NOTCH2: variants seen among roughly 807,000 people sequenced by gnomAD.
NOTCH2 encodes neurogenic locus notch homolog protein 2.
Under a neutral mutation model 235.8 loss-of-function variants are expected in NOTCH2, and 29 were observed. The observed-to-expected ratio is 0.12, with a 90% CI of 0.09 to 0.17. The LOEUF is 0.17. Ranked by LOEUF, NOTCH2 falls within the 10% of genes least tolerant of loss-of-function variation. The pLI is 1.00. For missense variants in NOTCH2, 2,285 were observed against 3,150.2 expected, an observed-to-expected ratio of 0.73 and a Z score of 6.57; for synonymous variants, 1,086 against 1,141.5, an observed-to-expected ratio of 0.95 and a Z score of 0.98.
intron 1 of NOTCH2, among the ~76,000 whole-genome samples, chr1:120,062,805 C>T (rs1276296662): frequency 6.6e-6 from 1 of 150,476 alleles, no homozygotes; most frequent in Admixed American, 6.6e-5. Flanking sequence ...GTGCCAAGGG[C>T]TAGTGATCCT....
chr1:120,063,762 C>T (rs587691798), intron 1 of NOTCH2, among the ~76,000 whole-genome samples: 19 of 152,184 alleles, frequency 1.2e-4, no homozygotes, highest in African/African-American at 4.6e-4. Context: ...ATGTAAGAAT[C>T]ACCTGGCTAT....
At chr1:119,948,845 T>C (rs1650356287) in intron 16 of NOTCH2, among the ~76,000 whole-genome samples, 162 bp downstream of exon 16, 1 of 152,168 alleles carries the variant, frequency 6.6e-6, no homozygotes, top group African/African-American at 2.4e-5. Flanking sequence ...AAAGGCTTTC[T>C]AAGCCATTTC....
chr1:120,029,156 C>T (rs587678413), intron 2 of NOTCH2, among the ~76,000 whole-genome samples: 1 of 148,794 alleles, frequency 6.7e-6, no homozygotes, highest in Non-Finnish European at 1.5e-5. Context: ...CTCACTGTCT[C>T]ACTTTCAGAA....
At chr1:120,031,242 A>ACAAATACT (rs1490567049) in intron 1 of NOTCH2, among the ~76,000 whole-genome samples, 4 of 123,602 alleles carry the variant, frequency 3.2e-5, no homozygotes, top group African/African-American at 1.2e-4. Flanking sequence ...ACTGCATAAA[A>ACAAATACT]GCCCAGTATT....
At chr1:119,951,451 C>A (rs1650471631) in intron 14 of NOTCH2, among the ~76,000 whole-genome samples, 1 of 152,190 alleles carries the variant, frequency 6.6e-6, no homozygotes, top group African/African-American at 2.4e-5. Flanking sequence ...CGCACCCAGC[C>A]AATAGCTTGT....
At position 119,912,541 on chromosome 1, in the gene NOTCH2, T is replaced by C. The variant is rs1257805427; in HGVS notation, c.*2765A>G. 4.3e-6 allele frequency: 1 copy of C among 232,594 alleles called. No homozygotes were observed. The highest frequency in any genetic ancestry group is 2.2e-5 in the African/African-American group (1 of 45,144). The allele number at this position is 232,594 out of a possible 1,614,324, so 14.4% of individuals were successfully genotyped here. ...ATACCTTTCCCTTCCCCACCTCACA[T>C]AAGAAAATGATGCTTAAAACAAAAC... On this transcript the variant is annotated 3_prime_UTR_variant, in exon 34 of 34. Transcript: ENST00000256646.
chr1:120,066,024 A>G (rs1655491954), intron 1 of NOTCH2, among the ~76,000 whole-genome samples: 1 of 151,688 alleles, frequency 6.6e-6, no homozygotes, highest in African/African-American at 2.4e-5. Flanking sequence ...AAGGAAAAAG[A>G]GATAACAGAA....
chr1:119,985,090 G>T (rs1651960844), intron 5 of NOTCH2, among the ~76,000 whole-genome samples: 2 of 152,180 alleles, frequency 1.3e-5, no homozygotes, highest in South Asian at 4.1e-4. Context: ...TGCATGAGAA[G>T]GAGACTGGGG....
At chr1:119,936,682 A>G (rs1358863631) in intron 21 of NOTCH2, among the ~76,000 whole-genome samples, 1 of 152,174 alleles carries the variant, frequency 6.6e-6, no homozygotes. Context: ...GTGTTGCTTG[A>G]TGGTTTGAAT....
chr1:119,955,453 G>A (rs1650652975), intron 12 of NOTCH2, among the ~76,000 whole-genome samples: 1 of 152,228 alleles, frequency 6.6e-6, no homozygotes, highest in South Asian at 2.1e-4. Context: ...GTTAACAAAA[G>A]GCTGGAAAAG....
intron 1 of NOTCH2, chr1:120,068,668 T>TA: frequency 3.4e-6 from 1 of 296,696 alleles, no homozygotes; most frequent in East Asian, 5.9e-5. Flanking sequence ...TTGAGATTTT[T>TA]AAATCATGTG....
intron 2 of NOTCH2, among the ~76,000 whole-genome samples, chr1:120,023,159 T>G (rs1467326522): frequency 3.9e-5 from 6 of 152,012 alleles, no homozygotes; most frequent in Non-Finnish European, 1.5e-5. Flanking sequence ...TGTCCTCAGC[T>G]GGGTGTGGTG....
chr1:119,941,739 C>CTATT lies in NOTCH2; in HGVS notation c.2767_2768insAATA (p.Gly923GlufsTer2). The CTATT allele has an allele frequency of 6.2e-7, 1 of 1,613,814 alleles. No individual in the cohort carries two copies. The highest frequency in any genetic ancestry group is 8.5e-7 in the Non-Finnish European group (1 of 1,179,706). ...ATTCACTCCATCCATACAGGAACCT[C>CTATT]CATTCTGGCAAGGATCTAAGCCATT... On this transcript the variant is annotated stop_gained and frameshift_variant, in exon 18 of 34. Coordinates refer to ENST00000256646, the MANE Select transcript of NOTCH2 (RefSeq NM_024408.4). LOFTEE classifies it high-confidence loss of function.
In NOTCH2 at chr1:119,953,585, G is replaced by C. The variant is rs1230128244; in HGVS notation, c.2323C>G (p.Leu775Val). 20 of 1,614,048 alleles carry C rather than the reference G, an allele frequency of 1.2e-5. No homozygotes were observed. The highest frequency in any genetic ancestry group is 1.6e-5 in the Non-Finnish European group (19 of 1,180,030). Residue 775 changes from leucine to valine, a missense_variant, in exon 14 of 34, where the codon CTG becomes GTG. Around this residue, in one of 6 missense-constraint regions of NOTCH2, gnomAD observed 1,173 missense variants for 1,515.3 expected, o/e 0.77. Transcript: ENST00000256646. ...CAAGTACACCTGTATCCATTCACCA[G>C]ATTGTCACAAGTTCCTCCATTCTGG... is the stretch of plus-strand genomic sequence containing the variant. ...PCQNGGTCDNLVNGYRCTCKK... is the reference protein window; with the variant it reads ...PCQNGGTCDNVVNGYRCTCKK...
chr1:119,946,233 T>C (rs1390276397), intron 17 of NOTCH2, among the ~76,000 whole-genome samples: 1 of 151,398 alleles, frequency 6.6e-6, no homozygotes, highest in Admixed American at 6.6e-5. Flanking sequence ...TGTCTATATA[T>C]TTGGAAGAAA....
intron 25 of NOTCH2, among the ~76,000 whole-genome samples, chr1:119,924,953 TG>T (rs1649420433): frequency 6.6e-6 from 1 of 152,172 alleles, no homozygotes; most frequent in African/African-American, 2.4e-5. Context: ...GGGAAAGGAA[TG>T]GGGTGAAGAG....
chr1:120,017,342 G>A (rs1653485509), intron 2 of NOTCH2, among the ~76,000 whole-genome samples: 1 of 151,704 alleles, frequency 6.6e-6, no homozygotes, highest in African/African-American at 2.4e-5. Context: ...CAACTTAAAT[G>A]TTATTTCCTG....
At chr1:119,972,873 C>T (rs587758016) in intron 5 of NOTCH2, among the ~76,000 whole-genome samples, 42 of 152,280 alleles carry the variant, frequency 2.8e-4, no homozygotes, top group Non-Finnish European at 1.0e-4. Flanking sequence ...CTGCATGTCT[C>T]GGGCTTCCCA....
intron 2 of NOTCH2, among the ~76,000 whole-genome samples, chr1:120,013,867 T>C (rs1313833265): frequency 1.3e-5 from 2 of 151,674 alleles, no homozygotes; most frequent in African/African-American, 4.9e-5. Flanking sequence ...AAGTTGAATT[T>C]GGTTAGAGAG....
Sources: allele counts gnomAD v4.1 joint callset (sites outside exome capture counted in the v4.1 genomes callset), GRCh38; gene constraint gnomAD v4.1.1; regional missense constraint gnomAD v4.1.1; transcripts MANE v1.5; gene names NCBI Gene and HGNC (gene_info 2026-07-23, HGNC 2026-07-21).